Variants in ATP2B1 observed in about 807,000 individuals in gnomAD.
ATP2B1 encodes plasma membrane calcium-transporting ATPase 1.
Under a neutral mutation model 124.2 loss-of-function variants are expected in ATP2B1, and 14 were observed. The observed-to-expected ratio is 0.11, with a 90% CI of 0.07 to 0.18. The LOEUF is 0.18. Among genes scored for constraint, ATP2B1 ranks in the 10% least tolerant of loss-of-function variants. ATP2B1 has a pLI of 1.00. For missense variants in ATP2B1, 763 were observed against 1,466.1 expected, an observed-to-expected ratio of 0.52 and a Z score of 7.83; for synonymous variants, 449 against 492.4, an observed-to-expected ratio of 0.91 and a Z score of 1.17.
At position 89,603,663 on chromosome 12, in the gene ATP2B1, T is replaced by C; in HGVS notation, c.2848+49A>G. The C allele has an allele frequency of 1.9e-6, 3 of 1,564,646 alleles. No individual in the cohort carries two copies. The highest frequency in any genetic ancestry group is 2.6e-6 in the Non-Finnish European group (3 of 1,137,104). On this transcript the variant is annotated intron_variant, in intron 17 of 20. Coordinates refer to ENST00000428670, the MANE Select transcript of ATP2B1 (RefSeq NM_001366521.1). This position sits in a 1 kb window ranked among gnomAD's most constrained non-coding sequence, Gnocchi z 4.3. ...CATTATAACATCTTGGATGATTAGCTTGGAAAAGAAACAATTAACTGAAGC... is the reference window on the plus strand; with the variant it reads ...CATTATAACATCTTGGATGATTAGCCTGGAAAAGAAACAATTAACTGAAGC...
In ATP2B1 at chr12:89,591,005, A is replaced by G. The variant is rs1437209295; in HGVS notation, c.3642T>C (p.His1214=). 22 of 1,612,722 alleles carry G rather than the reference A, an allele frequency of 1.4e-5. No homozygotes were observed. Among genetic ancestry groups the G allele is most frequent in the Non-Finnish European group, 1.8e-5 (21 of 1,178,994 alleles). ...ATSSSPGSPL[H]SLETSL is the part of the protein sequence containing the mutation. Reference sequence around the variant, plus strand: ...ACAATCAGAGTGATGTTTCCAAACTATGTAGTGGGCTTCCTGGGGATGAAG... The same window carrying G: ...ACAATCAGAGTGATGTTTCCAAACTGTGTAGTGGGCTTCCTGGGGATGAAG... The change falls in exon 21 of 21, where the codon CAT becomes CAC. Residue 1214 remains histidine, a synonymous_variant. Coordinates refer to ENST00000428670, the MANE Select transcript of ATP2B1 (RefSeq NM_001366521.1).
Position 89,630,665 on chromosome 12 carries a change from T to C in ATP2B1, c.788-20A>G. On this transcript the variant is annotated intron_variant, in intron 5 of 20. Coordinates refer to ENST00000428670, the MANE Select transcript of ATP2B1 (RefSeq NM_001366521.1). The stretch of plus-strand genomic sequence containing the variant: ...GAGTACCTATAACCAAAAACATAGT[T>C]TGTTTTTAAAAATACTGATAGATCT... 7.0e-7 allele frequency: 1 copy of C among 1,433,256 alleles called. No individual in the cohort carries two copies. The highest frequency in any genetic ancestry group is 9.2e-7 in the Non-Finnish European group (1 of 1,087,038). The allele number at this position is 1,433,256 out of a possible 1,614,324, so 88.8% of individuals were successfully genotyped here.
chr12:89,693,781 C>G (rs2136760925), intron 1 of ATP2B1, among the ~76,000 whole-genome samples: 1 of 152,168 alleles, frequency 6.6e-6, no homozygotes, highest in South Asian at 2.1e-4. Context: ...CAAGTAAACA[C>G]CTAAAGTGGA....
intron 8 of ATP2B1, 30 bp downstream of exon 8, chr12:89,626,424 A>C: frequency 6.4e-7 from 1 of 1,554,756 alleles, no homozygotes; most frequent in Non-Finnish European, 8.7e-7. Flanking sequence ...CTTAAAAATA[A>C]AACACTTTAT....
chr12:89,656,789 TA>T (rs1465297843), intron 1 of ATP2B1, among the ~76,000 whole-genome samples: 1 of 152,204 alleles, frequency 6.6e-6, no homozygotes, highest in Non-Finnish European at 1.5e-5. Flanking sequence ...AGAAATTCTC[TA>T]CTCTTTTGTT....
intron 20 of ATP2B1, chr12:89,598,560 A>T: frequency 6.3e-7 from 1 of 1,591,614 alleles, no homozygotes. Flanking sequence ...AGGAAATGTT[A>T]ATTTCATGCA....
At chr12:89,647,031 G>A (rs546556669) in intron 2 of ATP2B1, among the ~76,000 whole-genome samples, 20 of 152,318 alleles carry the variant, frequency 1.3e-4, no homozygotes, top group African/African-American at 4.1e-4. Flanking sequence ...CTGTAAGGAG[G>A]GAGAAAGTAA....
intron 12 of ATP2B1, among the ~76,000 whole-genome samples, chr12:89,615,040 C>T (rs1234872602): frequency 6.6e-6 from 1 of 152,156 alleles, no homozygotes; most frequent in Non-Finnish European, 1.5e-5. Flanking sequence ...TCCTCACAGC[C>T]CAGTAAGGCC....
rs1446341019 is a variant in ATP2B1 at position 89,646,608 on chromosome 12, A to ACAGT, written c.209-4254_209-4253insACTG. 3.3e-5 allele frequency among the ~76,000 whole-genome samples: 5 copies of ACAGT among 152,348 alleles called. No homozygotes were observed. In the East Asian group the frequency reaches 9.6e-4, roughly 29 times the overall value. On this transcript the variant is annotated intron_variant, in intron 2 of 20. Transcript: ENST00000428670. ...ACAAATGATGTTAAAAGGATGAGTG[A>ACAGT]CAGACCAGAGAATGGAACACTTTCT... is the stretch of plus-strand genomic sequence containing the variant.
At chr12:89,680,689 A>C (rs1243014505) in intron 1 of ATP2B1, among the ~76,000 whole-genome samples, 1 of 152,106 alleles carries the variant, frequency 6.6e-6, no homozygotes. Context: ...AATTCAAGAA[A>C]TCTTTCCACA....
chr12:89,707,838 G>C (rs1324271802), intron 1 of ATP2B1, among the ~76,000 whole-genome samples: 1 of 152,144 alleles, frequency 6.6e-6, no homozygotes, highest in Non-Finnish European at 1.5e-5. Context: ...CCGCAGGATG[G>C]GATAAAGAGA....
At position 89,677,954 on chromosome 12, in the gene ATP2B1, T is replaced by TTATATATATATATGTATATATA. The variant is rs1491452210; in HGVS notation, c.-221-21848_-221-21847insTATATATACATATATATATATA. Among the ~76,000 whole-genome samples, 269 of 68,628 alleles carry TTATATATATATATGTATATATA rather than the reference T, an allele frequency of 3.9e-3. 13 individuals carry two copies. Among genetic ancestry groups the TTATATATATATATGTATATATA allele is most frequent in the Middle Eastern group, 7.8e-3 (1 of 128 alleles). The allele number at this position is 68,628 out of a possible 152,430, so 45.0% of individuals were successfully genotyped here. ...TCAGGGGGTTGGGGGCATGCAGGAA[T>TTATATATATATATGTATATATA]TATATATATATATATATACACACAC... On this transcript the variant is annotated intron_variant, in intron 1 of 20. Transcript: ENST00000428670.
intron 6 of ATP2B1, among the ~76,000 whole-genome samples, chr12:89,630,140 A>G (rs1881610969): frequency 6.6e-6 from 1 of 152,232 alleles, no homozygotes; most frequent in Non-Finnish European, 1.5e-5. Context: ...GAAGAAGATT[A>G]AAAGAAAGCT....
intron 3 of ATP2B1, among the ~76,000 whole-genome samples, chr12:89,637,423 C>T (rs56783463): frequency 0.95 from 144,610 of 151,528 alleles, 69,067 homozygotes; most frequent in East Asian, 0.99. Flanking sequence ...TTAATTTTTT[C>T]TTTTTTGAGA....
chr12:89,658,741 A>C (rs1329011346), intron 1 of ATP2B1, among the ~76,000 whole-genome samples: 1 of 151,868 alleles, frequency 6.6e-6, no homozygotes, highest in Non-Finnish European at 1.5e-5. Flanking sequence ...TCTTTTCCGT[A>C]ATCTGTCAAT....
In ATP2B1 at chr12:89,635,088, T is replaced by C; in HGVS notation, c.570A>G (p.Gln190=). The C allele has an allele frequency of 6.2e-7, 1 of 1,614,016 alleles. No homozygotes were observed. Among genetic ancestry groups the C allele is most frequent in the Non-Finnish European group, 8.5e-7 (1 of 1,179,906 alleles). ...QFRGLQSRIE[Q]EQKFTVIRGG... ...CCCTGATGACAGTGAACTTCTGTTC[T>C]TGTTCAATTCGGCTCTGCAAACCTC... is the stretch of plus-strand genomic sequence containing the variant. The change falls in exon 4 of 21, where the codon CAA becomes CAG. Residue 190 remains glutamine, a synonymous_variant. Transcript: ENST00000428670.
At chr12:89,596,397 G>A (rs1000895328) in intron 20 of ATP2B1, among the ~76,000 whole-genome samples, 1 of 152,000 alleles carries the variant, frequency 6.6e-6, no homozygotes, top group Non-Finnish European at 1.5e-5. Flanking sequence ...ACAGGTTGGA[G>A]ACTAGACTCA....
chr12:89,698,006 G>A (rs754441239), intron 1 of ATP2B1, among the ~76,000 whole-genome samples: 3 of 151,978 alleles, frequency 2.0e-5, no homozygotes, highest in Non-Finnish European at 2.9e-5. Context: ...TAGTAGTGGG[G>A]ATTACAGGCC....
intron 1 of ATP2B1, among the ~76,000 whole-genome samples, chr12:89,664,384 C>T (rs1043026013): frequency 1.3e-5 from 2 of 152,198 alleles, no homozygotes; most frequent in Non-Finnish European, 2.9e-5. Context: ...ATCTCAAACA[C>T]AGGTATCTTG....
Sources: allele counts gnomAD v4.1 joint callset (sites outside exome capture counted in the v4.1 genomes callset), GRCh38; gene constraint gnomAD v4.1.1; non-coding constraint Gnocchi (gnomAD v3.1); transcripts MANE v1.5; gene names NCBI Gene and HGNC (gene_info 2026-07-23, HGNC 2026-07-21).